UBAP2: variants seen among roughly 807,000 people sequenced by gnomAD.
The protein encoded by UBAP2 is ubiquitin associated protein 2, also known as ubiquitin-associated protein 2.
A neutral mutation model predicts 139.6 loss-of-function variants in UBAP2; 75 were observed. The ratio of observed to expected loss-of-function variants is 0.54; its 90% CI spans 0.45 to 0.65. The LOEUF (loss-of-function observed/expected upper bound fraction) is 0.65, where lower values mean the gene tolerates loss of function less well. UBAP2 is among the 30% of genes least tolerant of loss of function. UBAP2 has a pLI of 0.00. For missense variants in UBAP2, 1,368 were observed against 1,369.6 expected, an observed-to-expected ratio of 1.00 and a Z score of 0.02; for synonymous variants, 526 against 526.2, an observed-to-expected ratio of 1.00 and a Z score of 0.01.
intron 10 of UBAP2, among the ~76,000 whole-genome samples, chr9:33,957,613 C>A (rs997493169): frequency 6.6e-6 from 1 of 152,280 alleles, no homozygotes; most frequent in South Asian, 2.1e-4. Context: ...TTTTTTGAAA[C>A]CTCAACTGAC....
At chr9:33,938,681 A>G (rs1587526914) in intron 16 of UBAP2, among the ~76,000 whole-genome samples, 1 of 151,920 alleles carries the variant, frequency 6.6e-6, no homozygotes, top group South Asian at 2.1e-4. Context: ...CTGTAATCAC[A>G]GCTACTAGGG....
intron 13 of UBAP2, 103 bp from the exon 14 acceptor site, chr9:33,944,742 A>C: frequency 7.3e-7 from 1 of 1,371,304 alleles, no homozygotes; most frequent in Non-Finnish European, 9.8e-7. Flanking sequence ...AATCATTTCC[A>C]GTTGAATTTC....
At chr9:33,975,893 T>G (rs943629865) in intron 6 of UBAP2, among the ~76,000 whole-genome samples, 1 of 151,666 alleles carries the variant, frequency 6.6e-6, no homozygotes, top group Admixed American at 6.6e-5. Flanking sequence ...CATATGATCA[T>G]GAAATTGTGC....
chr9:34,034,211 A>G (rs1286379409), intron 1 of UBAP2, among the ~76,000 whole-genome samples: 1 of 152,214 alleles, frequency 6.6e-6, no homozygotes, highest in African/African-American at 2.4e-5. Context: ...CAGTTACATC[A>G]TCTCTAGGTT....
chr9:33,992,141 C>G (rs10115531), intron 4 of UBAP2, among the ~76,000 whole-genome samples: 151,733 of 152,204 alleles, frequency 1, 75,635 homozygotes, highest in Middle Eastern at 1. Flanking sequence ...TGTAATCCCA[C>G]CACTTTGGGA....
intron 22 of UBAP2, among the ~76,000 whole-genome samples, chr9:33,926,173 T>C (rs944884084): frequency 2.6e-5 from 4 of 152,182 alleles, no homozygotes; most frequent in African/African-American, 7.2e-5. Flanking sequence ...ACTCAGCTGA[T>C]TGCAGAAGAG....
At chr9:33,981,141 GGATATATATATATATATTCTGGA>G (rs1820688477) in intron 6 of UBAP2, among the ~76,000 whole-genome samples, 1 of 3,132 alleles carries the variant, frequency 3.2e-4, no homozygotes, top group Non-Finnish European at 8.4e-4. Context: ...TATATATTCT[GGATATATATATATATATTCTGGA>G]TATATATATA....
chr9:33,994,182 CA>C (rs1404892733), intron 4 of UBAP2, among the ~76,000 whole-genome samples: 1 of 152,218 alleles, frequency 6.6e-6, no homozygotes, highest in East Asian at 1.9e-4. Context: ...GCATGAGCCG[CA>C]GTGCCCAGTC....
chr9:33,922,956 T>G lies in UBAP2; in HGVS notation c.3072+10A>C. 6.2e-7 allele frequency: 1 copy of G among 1,614,196 alleles called. No homozygotes were observed. Among genetic ancestry groups the G allele is most frequent in the Non-Finnish European group, 8.5e-7 (1 of 1,180,016 alleles). On this transcript the variant is annotated intron_variant, in intron 27 of 28. Coordinates refer to ENST00000379238, the MANE Select transcript of UBAP2 (RefSeq NM_001370062.2). The stretch of plus-strand genomic sequence containing the variant: ...AAAACCTATACACCCAACCCACCTT[T>G]GTCCCTCACCTGTGTCTTATTGTAG...
At chr9:34,015,065 G>A (rs1216185704) in intron 2 of UBAP2, among the ~76,000 whole-genome samples, 1 of 152,162 alleles carries the variant, frequency 6.6e-6, no homozygotes. Context: ...GGGTATAAAT[G>A]AGTGATTTTA....
rs200163142 is a variant in UBAP2 at position 33,923,888 on chromosome 9, G to A, written c.2703C>T (p.Phe901=). 5.8e-5 allele frequency: 94 copies of A among 1,614,082 alleles called. No homozygotes were observed. Among genetic ancestry groups the A allele is most frequent in the Admixed American group, 6.7e-5 (4 of 60,006 alleles). The change falls in exon 24 of 29, where the codon TTC becomes TTT. Residue 901 remains phenylalanine (F), a synonymous_variant. Coordinates refer to ENST00000379238, the MANE Select transcript of UBAP2 (RefSeq NM_001370062.2). The stretch of plus-strand genomic sequence containing the variant: ...AGCCAGGTGGCAGTGCAGGATTCAC[G>A]AAGGGCTGCTGGGCTGTGTGGTGGG... The part of the protein sequence containing the change: ...SQTHHTAQQP[F]VNPALPPGYS...
At chr9:33,984,675 C>A (rs1821055754) in intron 6 of UBAP2, among the ~76,000 whole-genome samples, 1 of 147,348 alleles carries the variant, frequency 6.8e-6, no homozygotes. Context: ...GAGACACTGT[C>A]TCTTAAGAGA....
intron 2 of UBAP2, among the ~76,000 whole-genome samples, chr9:34,013,273 G>C (rs1321980173): frequency 6.6e-6 from 1 of 151,882 alleles, no homozygotes; most frequent in Non-Finnish European, 1.5e-5. Flanking sequence ...CTCACCACCT[G>C]CTGCAGTGGC....
At chr9:33,923,638 GA>G (rs1023421452) in intron 24 of UBAP2, among the ~76,000 whole-genome samples, 156 bp downstream of exon 24, 2 of 152,302 alleles carry the variant, frequency 1.3e-5, no homozygotes, top group Admixed American at 6.5e-5. Context: ...CACAGCAGGG[GA>G]AAAGTGACCT....
chr9:33,977,044 T>A (rs1371135988), intron 6 of UBAP2, among the ~76,000 whole-genome samples: 3 of 142,312 alleles, frequency 2.1e-5, no homozygotes, highest in African/African-American at 7.6e-5. Flanking sequence ...TTTTATTTAT[T>A]TTTTTTTTTT....
At chr9:34,031,693 G>A (rs72729341) in intron 1 of UBAP2, among the ~76,000 whole-genome samples, 11,968 of 151,692 alleles carry the variant, frequency 0.079, 674 homozygotes, top group Non-Finnish European at 0.12. Flanking sequence ...CACCATGCCC[G>A]GCTAATTTTT....
intron 8 of UBAP2, among the ~76,000 whole-genome samples, chr9:33,965,341 G>T (rs1827365300): frequency 6.6e-6 from 1 of 151,856 alleles, no homozygotes; most frequent in African/African-American, 2.4e-5. Flanking sequence ...TATTTATTTT[G>T]TATATAAGTC....
rs1186107435 is a variant in UBAP2 at position 33,923,045 on chromosome 9, A to G, written c.3005-12T>C. The G allele has an allele frequency of 6.2e-7, 1 of 1,614,000 alleles. No homozygotes were observed. The highest frequency in any genetic ancestry group is 8.5e-7 in the Non-Finnish European group (1 of 1,179,954). Reference sequence around the variant, plus strand: ...AGACACTGATACTCCTAGGAGGAAAAGCAGTTGTTCCCCACAGCAGTTGTT... The same window carrying G: ...AGACACTGATACTCCTAGGAGGAAAGGCAGTTGTTCCCCACAGCAGTTGTT... On this transcript the variant is annotated splice_polypyrimidine_tract_variant and intron_variant, in intron 26 of 28. Transcript: ENST00000379238.
chr9:33,942,427 A>C (rs1825310554), intron 15 of UBAP2, among the ~76,000 whole-genome samples: 1 of 96,196 alleles, frequency 1.0e-5, no homozygotes, highest in Admixed American at 8.9e-5. Context: ...AAAAACTAAA[A>C]CAACAACAAC....
Sources: gnomAD v4.1 joint callset for allele counts (sites outside exome capture counted in the v4.1 genomes callset) on GRCh38, gnomAD v4.1.1 for gene constraint, MANE v1.5 for transcripts, NCBI Gene and HGNC (gene_info 2026-07-23, HGNC 2026-07-21) for gene names.